Variants in COL22A1 observed in about 807,000 individuals in gnomAD.
The protein encoded by COL22A1 is collagen type XXII alpha 1 chain.
COL22A1 carries 221 observed loss-of-function variants against 248.9 expected under a neutral mutation model. That is an observed-to-expected ratio of 0.89 (90% confidence interval 0.80 to 0.99). The LOEUF (loss-of-function observed/expected upper bound fraction) is 0.99, where lower values mean the gene tolerates loss of function less well. COL22A1 is among the 50% of genes least tolerant of loss of function. The pLI is 0.00. For synonymous variants in COL22A1, 891 were observed against 793.4 expected (o/e 1.12, Z -2.07); for missense variants, 2,240 against 2,179.0 (o/e 1.03, Z -0.56).
intron 45 of COL22A1, among the ~76,000 whole-genome samples, chr8:138,652,724 T>C (rs1417499653): frequency 1.4e-5 from 2 of 147,152 alleles, no homozygotes; most frequent in African/African-American, 4.9e-5. Context: ...ATATTTTCTT[T>C]TCCTTTTCTG....
chr8:138,760,933 C>T (rs1429897746), intron 17 of COL22A1, among the ~76,000 whole-genome samples: 2 of 152,074 alleles, frequency 1.3e-5, no homozygotes, highest in Non-Finnish European at 2.9e-5. Flanking sequence ...TAGTCCTCAG[C>T]CAGCGTCCTC....
intron 60 of COL22A1, among the ~76,000 whole-genome samples, chr8:138,599,456 G>C (rs1221362062): frequency 6.6e-6 from 1 of 152,162 alleles, no homozygotes; most frequent in Non-Finnish European, 1.5e-5. Context: ...TCCAGCCTGG[G>C]CGACAGAGCA....
intron 1 of COL22A1, among the ~76,000 whole-genome samples, chr8:138,888,962 C>T (rs367667588): frequency 2.0e-5 from 3 of 152,082 alleles, no homozygotes; most frequent in African/African-American, 7.2e-5. Flanking sequence ...ATTGGGGTAG[C>T]CAGGAGTCAT....
Position 138,660,217 on chromosome 8 carries a change from C to T in COL22A1, c.3285+219G>A, listed in dbSNP as rs111702991. Among the ~76,000 whole-genome samples the T allele has an allele frequency of 1.2e-3, 187 of 152,378 alleles. 1 individual carries two copies. The highest frequency in any genetic ancestry group is 4.3e-3 in the African/African-American group (179 of 41,594). On this transcript the variant is annotated intron_variant, in intron 44 of 64. Coordinates refer to ENST00000303045, the MANE Select transcript of COL22A1 (RefSeq NM_152888.3). ...TATGTGCAATCCCTTTCTCACCATT[C>T]TACTCTCCCTGGGCTTTGAAAACCG... is the stretch of plus-strand genomic sequence containing the variant.
rs1448389532 is a variant in COL22A1 at position 138,607,947 on chromosome 8, A to C, written c.4021T>G (p.Ser1341Ala). ...CAAAGAGAACTCACAGGGGTTCCTG[A>C]AGGGCCAGGCTCTCCTGGAGATCCC... ...SPGSPGEPGP[S>A]GTPGQKGSKG... The change falls in exon 57 of 65, where the codon TCA (serine) becomes GCA (alanine). Residue 1341 changes from serine to alanine, a missense_variant. Physicochemically the swap from Ser to Ala is moderately conservative, Grantham distance 99. Coordinates refer to ENST00000303045, the MANE Select transcript of COL22A1 (RefSeq NM_152888.3). The C allele has an allele frequency of 6.2e-7, 1 of 1,613,926 alleles. No individual in the cohort carries two copies. The highest frequency in any genetic ancestry group is 1.3e-5 in the African/African-American group (1 of 74,922).
chr8:138,731,758 G>T (rs111924799), intron 23 of COL22A1, among the ~76,000 whole-genome samples: 10 of 152,242 alleles, frequency 6.6e-5, no homozygotes, highest in African/African-American at 2.4e-4. Flanking sequence ...GCATTTTCCA[G>T]ATAAGAGAAC....
chr8:138,677,516 C>A (rs79946111), intron 40 of COL22A1, among the ~76,000 whole-genome samples: 34,076 of 152,056 alleles, frequency 0.22, 4,096 homozygotes, highest in African/African-American at 0.32. Flanking sequence ...CGAGCCACGC[C>A]TTATTCGTAA....
chr8:138,715,814 T>C (rs1829387871), intron 29 of COL22A1, 79 bp from the exon 30 acceptor site: 10 of 1,045,626 alleles, frequency 9.6e-6, no homozygotes, highest in Non-Finnish European at 1.5e-5. Context: ...AAGAGCAACA[T>C]GACTTTGGAA....
chr8:138,690,623 A>G (rs573995877), intron 36 of COL22A1, among the ~76,000 whole-genome samples, 198 bp downstream of exon 36: 1 of 152,152 alleles, frequency 6.6e-6, no homozygotes, highest in South Asian at 2.1e-4. Context: ...TACCCTCTGG[A>G]TAGCTGGCGA....
At chr8:138,640,615 C>A (rs776951427) in intron 47 of COL22A1, among the ~76,000 whole-genome samples, 5 of 152,128 alleles carry the variant, frequency 3.3e-5, no homozygotes, top group African/African-American at 4.8e-5. Flanking sequence ...TGTTAGTTTT[C>A]TTTCAGTCGT....
chr8:138,817,259 G>A (rs1309113725), intron 7 of COL22A1, among the ~76,000 whole-genome samples: 1 of 152,222 alleles, frequency 6.6e-6, no homozygotes, highest in East Asian at 1.9e-4. Flanking sequence ...TGTTACCACT[G>A]TGAGCATCTG....
intron 27 of COL22A1, among the ~76,000 whole-genome samples, chr8:138,718,949 C>A (rs1248904461): frequency 6.6e-6 from 1 of 152,130 alleles, no homozygotes; most frequent in Admixed American, 6.5e-5. Context: ...ATCTACAGAA[C>A]CCTGCATGAG....
chr8:138,676,826 A>G (rs1341611909), intron 40 of COL22A1, among the ~76,000 whole-genome samples, 191 bp from the exon 41 acceptor site: 1 of 152,168 alleles, frequency 6.6e-6, no homozygotes, highest in Non-Finnish European at 1.5e-5. Context: ...GACCACAGCC[A>G]CCAACTCAGA....
At position 138,904,552 on chromosome 8, in the gene COL22A1, G is replaced by A. The variant is rs546871590; in HGVS notation, c.-73+9067C>T. ...TATTCATTTCTTCAAACGTGGTAGAGCTGTAATAACCCCATTTTTATTTCT... is the reference window on the plus strand; with the variant it reads ...TATTCATTTCTTCAAACGTGGTAGAACTGTAATAACCCCATTTTTATTTCT... On this transcript the variant is annotated intron_variant, in intron 1 of 64. Transcript: ENST00000303045. Among the ~76,000 whole-genome samples the A allele has an allele frequency of 3.9e-5, 6 of 152,156 alleles. No individual in the cohort carries two copies. The South Asian group carries it at 1.2e-3, about 32-fold the overall frequency.
At chr8:138,690,688 G>T in intron 36 of COL22A1, 133 bp downstream of exon 36, 2 of 662,580 alleles carry the variant, frequency 3.0e-6, no homozygotes, top group African/African-American at 1.9e-5. Context: ...CAGGACAGCA[G>T]TGTCTCCGTC....
chr8:138,773,813 CA>C, intron 16 of COL22A1, among the ~76,000 whole-genome samples: 1 of 152,312 alleles, frequency 6.6e-6, no homozygotes, highest in African/African-American at 2.4e-5. Context: ...GTGTGACCCC[CA>C]CATGCCTGGG....
At chr8:138,614,414 C>T (rs1819144677) in intron 55 of COL22A1, among the ~76,000 whole-genome samples, 1 of 152,200 alleles carries the variant, frequency 6.6e-6, no homozygotes, top group South Asian at 2.1e-4. Context: ...AATCCTAACC[C>T]TGTGATGGAT....
chr8:138,912,817 G>A (rs921890485), intron 1 of COL22A1, among the ~76,000 whole-genome samples: 5 of 152,158 alleles, frequency 3.3e-5, no homozygotes, highest in African/African-American at 1.2e-4. Context: ...GTTCTGAGGA[G>A]GGGGACCCGG....
At chr8:138,748,383 C>A (rs1377966509) in intron 22 of COL22A1, among the ~76,000 whole-genome samples, 1 of 152,188 alleles carries the variant, frequency 6.6e-6, no homozygotes, top group East Asian at 1.9e-4. Context: ...CTGTGCATCA[C>A]AAGAAGTCAA....
Sources: gnomAD v4.1 joint callset for allele counts (sites outside exome capture counted in the v4.1 genomes callset) on GRCh38, gnomAD v4.1.1 for gene constraint, MANE v1.5 for transcripts, NCBI Gene and HGNC (gene_info 2026-07-23, HGNC 2026-07-21) for gene names.